RIC1: variants seen among roughly 807,000 people sequenced by gnomAD.
RIC1 encodes guanine nucleotide exchange factor subunit RIC1.
RIC1 carries 88 observed loss-of-function variants against 169.0 expected under a neutral mutation model. That is an observed-to-expected ratio of 0.52 (90% confidence interval 0.44 to 0.62). The LOEUF (loss-of-function observed/expected upper bound fraction) is 0.62. RIC1 is among the 20% of genes least tolerant of loss of function. The pLI, the probability that RIC1 is intolerant of heterozygous loss-of-function variation, is 0.00. For synonymous variants in RIC1, 790 were observed against 601.5 expected (o/e 1.31, Z -4.59); for missense variants, 1,877 against 1,725.5 (o/e 1.09, Z -1.56).
intron 10 of RIC1, among the ~76,000 whole-genome samples, chr9:5,745,479 CT>C (rs1825323394): frequency 6.6e-6 from 1 of 152,160 alleles, no homozygotes; most frequent in African/African-American, 2.4e-5. Context: ...ATAATGAAGA[CT>C]CTAGTCTCAC....
chr9:5,753,809 G>C (rs1586693453), intron 14 of RIC1, among the ~76,000 whole-genome samples, 163 bp downstream of exon 14: 1 of 152,134 alleles, frequency 6.6e-6, no homozygotes, highest in Non-Finnish European at 1.5e-5. Context: ...ATTTGATTCT[G>C]ATAAAATACT....
At chr9:5,692,661 C>A (rs1390496792) in intron 3 of RIC1, among the ~76,000 whole-genome samples, 1 of 151,804 alleles carries the variant, frequency 6.6e-6, no homozygotes, top group East Asian at 1.9e-4. Flanking sequence ...TCTGCAGAAC[C>A]CATTTGTACA....
intron 23 of RIC1, among the ~76,000 whole-genome samples, chr9:5,771,311 A>G (rs1563727228): frequency 6.6e-6 from 1 of 152,152 alleles, no homozygotes; most frequent in Non-Finnish European, 1.5e-5. Context: ...GAAATCATAT[A>G]GTGTTTGTCT....
chr9:5,753,576 T>C lies in RIC1; in HGVS notation c.1532T>C (p.Val511Ala), dbSNP rs1403656838. The change falls in exon 14 of 26, where the codon GTT (valine) becomes GCT (alanine). Residue 511 changes from valine (V) to alanine (A), a missense_variant. This residue lies in a region of RIC1 where 1,104 missense variants were observed against 992.0 expected (regional missense o/e 1.11). Coordinates refer to ENST00000414202, the MANE Select transcript of RIC1 (RefSeq NM_020829.4). ...IDKLGQNIAV[V>A]GKFGFAHYSL... The stretch of plus-strand genomic sequence containing the variant: ...AAGCTTGGACAGAATATTGCTGTGG[T>C]TGGCAAGTTTGGTTTTGCACATTAC... The C allele has an allele frequency of 5.6e-6, 9 of 1,611,856 alleles. No individual in the cohort carries two copies. Among genetic ancestry groups the C allele is most frequent in the Non-Finnish European group, 7.6e-6 (9 of 1,179,194 alleles).
intron 3 of RIC1, among the ~76,000 whole-genome samples, chr9:5,690,320 G>C (rs1029161740): frequency 6.6e-6 from 1 of 152,010 alleles, no homozygotes; most frequent in Non-Finnish European, 1.5e-5. Context: ...CCTTATTAGG[G>C]AAGAGCTAAG....
intron 16 of RIC1, among the ~76,000 whole-genome samples, chr9:5,756,893 T>G (rs970906130): frequency 1.3e-4 from 20 of 152,228 alleles, no homozygotes; most frequent in Non-Finnish European, 2.9e-5. Flanking sequence ...CCACACCTCT[T>G]GAGTTTTATT....
chr9:5,698,926 G>C (rs1822059419), intron 3 of RIC1, among the ~76,000 whole-genome samples: 1 of 152,158 alleles, frequency 6.6e-6, no homozygotes, highest in Non-Finnish European at 1.5e-5. Context: ...AGAATTTGAA[G>C]AATGACAAAA....
chr9:5,631,635 C>G (rs2130210374), intron 1 of RIC1, among the ~76,000 whole-genome samples: 1 of 145,216 alleles, frequency 6.9e-6, no homozygotes, highest in South Asian at 2.2e-4. Context: ...TGCAGTGAGC[C>G]AAGATCCCAC....
intron 3 of RIC1, among the ~76,000 whole-genome samples, chr9:5,693,507 C>T (rs1258396172): frequency 6.6e-6 from 1 of 152,060 alleles, no homozygotes; most frequent in Non-Finnish European, 1.5e-5. Flanking sequence ...AATGAATTTT[C>T]CATTTTAGAA....
intron 17 of RIC1, 26 bp from the exon 18 acceptor site, chr9:5,762,515 T>C (rs1181113650): frequency 3.1e-6 from 5 of 1,612,476 alleles, no homozygotes; most frequent in Non-Finnish European, 4.2e-6. Context: ...GAAGTATGAA[T>C]TTAGCTGCTT....
At chr9:5,727,581 G>T (rs758056877) in intron 6 of RIC1, among the ~76,000 whole-genome samples, 11 of 152,152 alleles carry the variant, frequency 7.2e-5, no homozygotes, top group Non-Finnish European at 1.2e-4. Flanking sequence ...TTGTTCCATT[G>T]CTGGCAAGGA....
chr9:5,677,992 C>G (rs1334086691), intron 2 of RIC1, among the ~76,000 whole-genome samples: 2 of 150,772 alleles, frequency 1.3e-5, no homozygotes, highest in Non-Finnish European at 3.0e-5. Context: ...TGCTATCCCT[C>G]CCCCCTGCCC....
chr9:5,727,511 T>C (rs1445304945), intron 6 of RIC1, among the ~76,000 whole-genome samples: 2 of 152,200 alleles, frequency 1.3e-5, no homozygotes, highest in African/African-American at 2.4e-5. Context: ...AGAAGTTTGT[T>C]ATTACTGATC....
intron 17 of RIC1, among the ~76,000 whole-genome samples, chr9:5,761,398 G>C (rs1024054368): frequency 6.6e-6 from 1 of 151,950 alleles, no homozygotes; most frequent in Non-Finnish European, 1.5e-5. Flanking sequence ...ACAGGTGTGA[G>C]CCACTGCGCC....
chr9:5,714,024 T>C, intron 4 of RIC1, 21 bp downstream of exon 4: 3 of 1,520,838 alleles, frequency 2.0e-6, no homozygotes, highest in South Asian at 2.3e-5. Context: ...TTGGTTAAAT[T>C]TGACATTGTG....
At chr9:5,725,674 G>T (rs200310091) in intron 6 of RIC1, among the ~76,000 whole-genome samples, 1 of 151,748 alleles carries the variant, frequency 6.6e-6, no homozygotes, top group Non-Finnish European at 1.5e-5. Flanking sequence ...TAGATCTTTC[G>T]TGCTTTCTGT....
In RIC1 at chr9:5,629,370, G is replaced by T. The variant is rs1485777204; in HGVS notation, c.61G>T (p.Ala21Ser). The T allele has an allele frequency of 4.6e-6, 7 of 1,533,184 alleles. No homozygotes were observed. Among genetic ancestry groups the T allele is most frequent in the Admixed American group, 2.0e-5 (1 of 50,698 alleles). 95.0% of individuals were successfully genotyped at this position (1,533,184 alleles called of 1,614,324 possible). A position where few individuals can be genotyped will look rare whatever the true frequency, so the allele number is the denominator to read the frequency against. ...LLCPLGSPAE[A>S]PFHVQSDPQR... The stretch of plus-strand genomic sequence containing the variant: ...GTGCCCTCTGGGGAGCCCGGCCGAG[G>T]CGCCTTTCCACGTTCAGTCCGACCC... The change falls in exon 1 of 26, where the codon GCG (alanine) becomes TCG (serine). Residue 21 changes from alanine to serine, a missense_variant. Transcript: ENST00000414202.
intron 2 of RIC1, among the ~76,000 whole-genome samples, chr9:5,686,498 A>G (rs991397142): frequency 2.6e-5 from 4 of 152,032 alleles, no homozygotes; most frequent in Non-Finnish European, 4.4e-5. Flanking sequence ...GAAATTGGAA[A>G]TCATCATTCT....
chr9:5,689,482 CA>C (rs1821469355), intron 2 of RIC1, among the ~76,000 whole-genome samples: 1 of 151,928 alleles, frequency 6.6e-6, no homozygotes, highest in Non-Finnish European at 1.5e-5. Flanking sequence ...AATCAGAGAC[CA>C]AAAGATTGTT....
Sources: gnomAD v4.1 joint callset for allele counts (sites outside exome capture counted in the v4.1 genomes callset) on GRCh38, gnomAD v4.1.1 for gene constraint, gnomAD v4.1.1 regional missense constraint, MANE v1.5 for transcripts, NCBI Gene and HGNC (gene_info 2026-07-23, HGNC 2026-07-21) for gene names.